The following PLA2G7 variants were observed in gnomAD, a reference collection of about 807,000 sequenced individuals.
PLA2G7 encodes platelet-activating factor acetylhydrolase.
PLA2G7 carries 63 observed loss-of-function variants against 49.6 expected under a neutral mutation model. The ratio of observed to expected loss-of-function variants is 1.27; its 90% CI spans 1.04 to 1.57. PLA2G7 has a LOEUF of 1.57. PLA2G7 is among the 40% of genes most tolerant of loss of function. PLA2G7 has a pLI of 0.00. For synonymous variants in PLA2G7, 193 were observed against 169.9 expected (o/e 1.14, Z -1.06); for missense variants, 596 against 521.2 (o/e 1.14, Z -1.40).
intron 10 of PLA2G7, among the ~76,000 whole-genome samples, chr6:46,706,746 A>G (rs184444684): frequency 3.9e-4 from 60 of 152,348 alleles, no homozygotes; most frequent in African/African-American, 1.4e-3. Context: ...TAGTAAGGAA[A>G]TAGGGTTGAG....
intron 1 of PLA2G7, among the ~76,000 whole-genome samples, chr6:46,733,975 G>A (rs45597233): frequency 0.011 from 1,745 of 152,216 alleles, 33 homozygotes; most frequent in African/African-American, 0.039. Flanking sequence ...TTTTAAAGGT[G>A]GCAAGCTGCC....
intron 1 of PLA2G7, among the ~76,000 whole-genome samples, chr6:46,725,688 T>C (rs1163896815): frequency 2.0e-5 from 3 of 152,188 alleles, no homozygotes; most frequent in Non-Finnish European, 4.4e-5. Flanking sequence ...AATTATATTA[T>C]AAAGTTAATA....
At chr6:46,731,901 T>C (rs1373906951) in intron 1 of PLA2G7, among the ~76,000 whole-genome samples, 4 of 152,198 alleles carry the variant, frequency 2.6e-5, no homozygotes, top group Non-Finnish European at 5.9e-5. Context: ...TACGCCCATC[T>C]ACTGCTACCA....
In PLA2G7 at chr6:46,716,507, A is replaced by C. The variant is rs778258079; in HGVS notation, c.253T>G (p.Tyr85Asp). 6.2e-7 allele frequency: 1 copy of C among 1,613,912 alleles called. No individual in the cohort carries two copies. Among genetic ancestry groups the C allele is most frequent in the Admixed American group, 1.7e-5 (1 of 60,022 alleles). Residue 85 changes from tyrosine to aspartate, a missense_variant, in exon 4 of 12, where the codon TAT (tyrosine) becomes GAT (aspartate). By Grantham distance (160) the Tyr-to-Asp change is radical (BLOSUM62 -3). Coordinates refer to ENST00000274793, the MANE Select transcript of PLA2G7 (RefSeq NM_005084.4). ...TNKGTFLRLY[Y>D]PSQDNDRLDT... is the part of the protein sequence containing the mutation. ...AGGCGATCATTATCTTGGGATGGAT[A>C]ATATAAACGCAAGAAGGTGCCCTGT...
chr6:46,707,375 G>T (rs767444505), intron 10 of PLA2G7, among the ~76,000 whole-genome samples: 2 of 152,122 alleles, frequency 1.3e-5, no homozygotes, highest in African/African-American at 4.8e-5. Flanking sequence ...GATATAGTTT[G>T]GATCTGTGTC....
Position 46,708,065 on chromosome 6 carries a change from G to T in PLA2G7, c.966C>A (p.Phe322Leu). 6.3e-7 allele frequency: 1 copy of T among 1,594,888 alleles called. No individual in the cohort carries two copies. The highest frequency in any genetic ancestry group is 8.6e-7 in the Non-Finnish European group (1 of 1,162,816). Reference protein sequence around the residue: ...QPLFFINSEYFQYPANIIKMK... With the variant: ...QPLFFINSEYLQYPANIIKMK... Reference sequence around the variant, plus strand: ...TTTTTATGATATTAGCAGGATATTGGAAATATTCAGAGTTGATAAAAAAGA... The same window carrying T: ...TTTTTATGATATTAGCAGGATATTGTAAATATTCAGAGTTGATAAAAAAGA... The change falls in exon 10 of 12, where the codon TTC becomes TTA. Residue 322 changes from phenylalanine (F) to leucine (L), a missense_variant. Coordinates refer to ENST00000274793, the MANE Select transcript of PLA2G7 (RefSeq NM_005084.4).
chr6:46,722,653 G>A (rs1765437157), intron 2 of PLA2G7, 130 bp downstream of exon 2: 2 of 691,502 alleles, frequency 2.9e-6, no homozygotes, highest in Admixed American at 2.1e-5. Context: ...CCTACTCCAG[G>A]AGAATACAGG....
chr6:46,713,190 ACCTTTT>A (rs1238233166), intron 5 of PLA2G7, among the ~76,000 whole-genome samples: 14 of 152,332 alleles, frequency 9.2e-5, no homozygotes, highest in African/African-American at 2.9e-4. Context: ...CATTTGCACA[ACCTTTT>A]CCTCATACCA....
At chr6:46,714,874 T>C (rs1765152374) in intron 4 of PLA2G7, among the ~76,000 whole-genome samples, 1 of 151,544 alleles carries the variant, frequency 6.6e-6, no homozygotes. Context: ...TAGCTGAGAT[T>C]ACAAGCATGC....
chr6:46,725,756 A>G (rs1765552783), intron 1 of PLA2G7, among the ~76,000 whole-genome samples: 1 of 152,232 alleles, frequency 6.6e-6, no homozygotes, highest in Non-Finnish European at 1.5e-5. Context: ...TCTCTTCGCA[A>G]ATAATGACTT....
At chr6:46,716,260 T>A in intron 4 of PLA2G7, 124 bp downstream of exon 4, 1 of 935,472 alleles carries the variant, frequency 1.1e-6, no homozygotes, top group Non-Finnish European at 1.7e-6. Context: ...ACTTTCCTTA[T>A]CATTTTAGGA....
chr6:46,709,202 A>G (rs1582564309), intron 9 of PLA2G7, 125 bp downstream of exon 9: 1 of 663,216 alleles, frequency 1.5e-6, no homozygotes. Context: ...TGGGGGCAAA[A>G]GAATAGCCTT....
chr6:46,710,775 T>C, intron 7 of PLA2G7, 117 bp from the exon 8 acceptor site: 1 of 751,650 alleles, frequency 1.3e-6, no homozygotes. Flanking sequence ...ACTGGAAATC[T>C]GATTAGTGAC....
intron 2 of PLA2G7, among the ~76,000 whole-genome samples, chr6:46,717,477 T>C (rs1163290496): frequency 6.6e-6 from 1 of 152,142 alleles, no homozygotes; most frequent in East Asian, 1.9e-4. Flanking sequence ...TCCTTGAGCA[T>C]CTCTACCTGA....
intron 2 of PLA2G7, among the ~76,000 whole-genome samples, chr6:46,721,610 A>G (rs1338861294): frequency 6.6e-6 from 1 of 150,812 alleles, no homozygotes; most frequent in Non-Finnish European, 1.5e-5. Flanking sequence ...AGGTAGTAGG[A>G]AAAATGAACT....
At chr6:46,705,068 T>A in intron 11 of PLA2G7, 85 bp downstream of exon 11, 1 of 1,005,406 alleles carries the variant, frequency 9.9e-7, no homozygotes, top group Non-Finnish European at 1.6e-6. Flanking sequence ...TGGAAATAGT[T>A]TAAATAGTAC....
At chr6:46,725,452 G>A (rs896077930) in intron 1 of PLA2G7, among the ~76,000 whole-genome samples, 1 of 151,976 alleles carries the variant, frequency 6.6e-6, no homozygotes, top group African/African-American at 2.4e-5. Context: ...GGATGGTCTT[G>A]ATCTCCTGAC....
chr6:46,705,123 G>T (rs763307817), intron 11 of PLA2G7, 30 bp downstream of exon 11: 1 of 1,526,526 alleles, frequency 6.6e-7, no homozygotes, highest in Non-Finnish European at 9.1e-7. Context: ...GATTCATCTG[G>T]TTTAGGTCAT....
intron 8 of PLA2G7, 108 bp from the exon 9 acceptor site, chr6:46,709,526 A>T: frequency 1.4e-6 from 1 of 713,430 alleles, no homozygotes; most frequent in South Asian, 1.5e-5. Context: ...AAATACATTG[A>T]TTTCTTATAA....
Sources: allele counts gnomAD v4.1 joint callset (sites outside exome capture counted in the v4.1 genomes callset), GRCh38; gene constraint gnomAD v4.1.1; transcripts MANE v1.5; gene names NCBI Gene and HGNC (gene_info 2026-07-23, HGNC 2026-07-21).